Variants in CSNK2A1 observed in about 807,000 individuals in gnomAD.
The protein encoded by CSNK2A1 is casein kinase 2 alpha 1, also known as casein kinase II subunit alpha.
Under a neutral mutation model 62.9 loss-of-function variants are expected in CSNK2A1, and 10 were observed. The ratio of observed to expected loss-of-function variants is 0.16; its 90% CI spans 0.10 to 0.27. The LOEUF is 0.27. CSNK2A1 is among the 10% of genes least tolerant of loss of function. The probability of loss-of-function intolerance (pLI) is 1.00; values close to 1 mark genes in which losing one functional copy is unlikely to be tolerated. For synonymous variants in CSNK2A1, 124 were observed against 167.8 expected (o/e 0.74, Z 2.02); for missense variants, 160 against 492.0 (o/e 0.33, Z 6.38).
chr20:486,649 T>A, intron 12 of CSNK2A1, 187 bp from the exon 13 acceptor site: 1 of 545,586 alleles, frequency 1.8e-6, no homozygotes, highest in East Asian at 3.1e-5. Context: ...GAAATAGCTT[T>A]CCTATCAAAC....
At chr20:503,150 T>C in intron 4 of CSNK2A1, 1 of 236,824 alleles carries the variant, frequency 4.2e-6, no homozygotes, top group Non-Finnish European at 8.1e-6. Flanking sequence ...TGTTTGATCC[T>C]TTTTGTTTTT....
intron 1 of CSNK2A1, among the ~76,000 whole-genome samples, chr20:538,814 C>T (rs1005194785): frequency 2.0e-5 from 3 of 152,144 alleles, no homozygotes; most frequent in African/African-American, 7.2e-5. Context: ...GTCATAGAAA[C>T]CCATTATTAA....
rs540390528 is a variant in CSNK2A1, at chr20:529,738, T to C, written c.-226-1689A>G. ...TAAATTCACATTTGTTTTGCTGTTG[T>C]ACCTCAAACTGCAAAAGTTATGACC... On this transcript the variant is annotated intron_variant, in intron 1 of 13. Transcript: ENST00000217244. Among the ~76,000 whole-genome samples the C allele has an allele frequency of 2.9e-3, 442 of 152,346 alleles. 2 individuals are homozygous for C. Among genetic ancestry groups the C allele is most frequent in the African/African-American group, 9.6e-3 (398 of 41,584 alleles).
intron 13 of CSNK2A1, 89 bp downstream of exon 13, chr20:486,285 GAA>G: frequency 6.8e-7 from 1 of 1,464,760 alleles, no homozygotes; most frequent in Non-Finnish European, 9.4e-7. Context: ...CCAGTACGGA[GAA>G]GAGAAGGTAT....
chr20:475,648 TAA>T lies in CSNK2A1; in HGVS notation c.*8311_*8312del, dbSNP rs2017835199. 1 of 149,896 alleles carries T rather than the reference TAA, an allele frequency of 6.7e-6. No individual in the cohort carries two copies. Among genetic ancestry groups the T allele is most frequent in the African/African-American group, 2.5e-5 (1 of 40,628 alleles). The allele number at this position is 149,896 out of a possible 1,614,324, so 9.3% of individuals were successfully genotyped here. The stretch of plus-strand genomic sequence containing the variant: ...ACACACCCTTTGCCATATAACCTCA[TAA>T]AGTTTTCCCAACACAGGCTCTATGC... On this transcript the variant is annotated 3_prime_UTR_variant, in exon 14 of 14. Coordinates refer to ENST00000217244, the MANE Select transcript of CSNK2A1 (RefSeq NM_177559.3).
Position 509,063 on chromosome 20 carries a change from G to A in CSNK2A1, c.-109-403C>T, listed in dbSNP as rs191740982. Among the ~76,000 whole-genome samples, 4 of 152,304 alleles carry A rather than the reference G, an allele frequency of 2.6e-5. 1 individual carries two copies. In the East Asian group the frequency reaches 7.7e-4, roughly 29 times the overall value. On this transcript the variant is annotated intron_variant, in intron 2 of 13. Transcript: ENST00000217244. ...TGTAACTTAAGTAGGGGTGCTAAAA[G>A]GTTCTAGAATGGCGGCAAAGCTAAG...
intron 4 of CSNK2A1, chr20:502,505 TA>T (rs1293535643): frequency 1.3e-5 from 2 of 152,214 alleles, no homozygotes; most frequent in Non-Finnish European, 2.9e-5. Flanking sequence ...GGCCCGAATT[TA>T]ATGCGATCAA....
intron 8 of CSNK2A1, chr20:495,176 A>C (rs2018319974): frequency 6.5e-6 from 1 of 153,252 alleles, no homozygotes; most frequent in Admixed American, 6.5e-5. Flanking sequence ...CCCAGAGACC[A>C]CAACAGGCAA....
intron 13 of CSNK2A1, among the ~76,000 whole-genome samples, 199 bp downstream of exon 13, chr20:486,177 T>A (rs1037327443): frequency 6.6e-6 from 1 of 152,116 alleles, no homozygotes; most frequent in African/African-American, 2.4e-5. Context: ...ATGCTGAGAT[T>A]CTAGCCTAGA....
At chr20:489,735 T>C (rs770703076) in intron 10 of CSNK2A1, 45 bp downstream of exon 10, 45 of 1,485,912 alleles carry the variant, frequency 3.0e-5, no homozygotes, top group African/African-American at 4.1e-5. Flanking sequence ...CTGGCTATCA[T>C]TGCATTAGGC....
At chr20:515,435 C>CT (rs1214714280) in intron 2 of CSNK2A1, among the ~76,000 whole-genome samples, 4 of 152,192 alleles carry the variant, frequency 2.6e-5, no homozygotes, top group Non-Finnish European at 4.4e-5. Context: ...CTTTAAGTAT[C>CT]TAACTCTTCC....
intron 3 of CSNK2A1, chr20:507,013 G>A (rs1311719374): frequency 1.3e-5 from 2 of 152,124 alleles, no homozygotes; most frequent in Non-Finnish European, 2.9e-5. Context: ...ACATTTATTG[G>A]TACTAAACCA....
At chr20:510,596 A>C (rs1449908790) in intron 2 of CSNK2A1, among the ~76,000 whole-genome samples, 1 of 152,246 alleles carries the variant, frequency 6.6e-6, no homozygotes, top group Non-Finnish European at 1.5e-5. Context: ...ACATGTGTAT[A>C]TATATAGCAC....
intron 2 of CSNK2A1, among the ~76,000 whole-genome samples, chr20:516,146 A>C (rs2018824526): frequency 6.6e-6 from 1 of 152,232 alleles, no homozygotes; most frequent in African/African-American, 2.4e-5. Flanking sequence ...AGTATATCTT[A>C]AGGCAATCTA....
intron 1 of CSNK2A1, chr20:540,895 C>A (rs763398556): frequency 3.9e-5 from 6 of 152,200 alleles, no homozygotes; most frequent in Non-Finnish European, 8.8e-5. Context: ...CTCACGAGGC[C>A]AAAAATCAAG....
chr20:528,877 G>A (rs867586272), intron 1 of CSNK2A1, among the ~76,000 whole-genome samples: 5 of 152,230 alleles, frequency 3.3e-5, no homozygotes, highest in Non-Finnish European at 5.9e-5. Context: ...GAAAACATTC[G>A]TCTAGATTCA....
At chr20:484,508 C>T (rs921041230) in intron 13 of CSNK2A1, among the ~76,000 whole-genome samples, 1 of 152,206 alleles carries the variant, frequency 6.6e-6, no homozygotes, top group Non-Finnish European at 1.5e-5. Flanking sequence ...TGGCTAGTCA[C>T]TACCATACTG....
chr20:503,565 A>G, intron 4 of CSNK2A1: 1 of 398,662 alleles, frequency 2.5e-6, no homozygotes. Flanking sequence ...GTGCACTGCC[A>G]GCTTGAGGTG....
chr20:524,870 C>T (rs2019043681), intron 2 of CSNK2A1, among the ~76,000 whole-genome samples: 1 of 152,074 alleles, frequency 6.6e-6, no homozygotes, highest in Non-Finnish European at 1.5e-5. Context: ...GGTCCCTGCA[C>T]TTTGGGAGAC....
Sources: allele counts gnomAD v4.1 joint callset (sites outside exome capture counted in the v4.1 genomes callset), GRCh38; gene constraint gnomAD v4.1.1; transcripts MANE v1.5; gene names NCBI Gene and HGNC (gene_info 2026-07-23, HGNC 2026-07-21).